Variants in RFC4 observed in about 807,000 individuals in gnomAD.
The protein encoded by RFC4 is replication factor C subunit 4, also known as A1 37 kDa subunit.
A neutral mutation model predicts 47.6 loss-of-function variants in RFC4; 38 were observed. That is an observed-to-expected ratio of 0.80 (90% CI 0.62 to 1.05). The LOEUF (loss-of-function observed/expected upper bound fraction) is 1.05, where lower values mean the gene tolerates loss of function less well. Among genes scored for constraint, RFC4 ranks in the 50% least tolerant of loss-of-function variants. The pLI is 0.00. For synonymous variants in RFC4, 164 were observed against 150.0 expected (o/e 1.09, Z -0.68); for missense variants, 489 against 434.0 (o/e 1.13, Z -1.13).
chr3:186,795,014 A>T (rs1307651704), intron 4 of RFC4, among the ~76,000 whole-genome samples: 2 of 152,102 alleles, frequency 1.3e-5, no homozygotes, highest in African/African-American at 4.8e-5. Flanking sequence ...TTTTCTTTTT[A>T]TTTTTTTGGA....
At chr3:186,802,122 G>A (rs1722371269) in intron 2 of RFC4, among the ~76,000 whole-genome samples, 1 of 151,948 alleles carries the variant, frequency 6.6e-6, no homozygotes, top group African/African-American at 2.4e-5. Context: ...CAGCACTTTG[G>A]GAGGCAGATC....
At position 186,790,078 on chromosome 3, in the gene RFC4, T is replaced by G. The variant is rs752640121; in HGVS notation, c.997-14A>C. On this transcript the variant is annotated splice_polypyrimidine_tract_variant and intron_variant, in intron 10 of 10. Coordinates refer to ENST00000296273, the MANE Select transcript of RFC4 (RefSeq NM_002916.5). Reference sequence around the variant, plus strand: ...TTTGTCAACTTCCTACGAGAAAAATTTAAGAAATTAGCATCCTTCAGGTAG... The same window carrying G: ...TTTGTCAACTTCCTACGAGAAAAATGTAAGAAATTAGCATCCTTCAGGTAG... The G allele has an allele frequency of 1.2e-6, 2 of 1,611,318 alleles. No homozygotes were observed. Among genetic ancestry groups the G allele is most frequent in the African/African-American group, 1.3e-5 (1 of 74,998 alleles).
At chr3:186,801,433 T>C (rs971675861) in intron 2 of RFC4, 6 of 502,424 alleles carry the variant, frequency 1.2e-5, no homozygotes, top group Admixed American at 7.3e-5. Context: ...GAATCTGTTA[T>C]ACCCACAAAA....
intron 3 of RFC4, among the ~76,000 whole-genome samples, chr3:186,799,168 G>T (rs913918902): frequency 1.3e-5 from 2 of 151,996 alleles, no homozygotes; most frequent in African/African-American, 4.8e-5. Context: ...CTTTGAAACA[G>T]GGTAAAATTA....
intron 5 of RFC4, 23 bp from the exon 6 acceptor site, chr3:186,792,970 A>T: frequency 6.2e-7 from 1 of 1,602,698 alleles, no homozygotes; most frequent in Non-Finnish European, 8.5e-7. Flanking sequence ...AACACATAAG[A>T]GTTGAACATT....
chr3:186,791,645 C>G (rs1401682626), intron 8 of RFC4, 80 bp downstream of exon 8: 1 of 1,227,406 alleles, frequency 8.1e-7, no homozygotes, highest in African/African-American at 1.5e-5. Context: ...GCTAAACACC[C>G]AGTATTTGTT....
intron 7 of RFC4, 39 bp downstream of exon 7, chr3:186,792,451 G>A (rs753963181): frequency 1.9e-6 from 3 of 1,571,784 alleles, no homozygotes; most frequent in Non-Finnish European, 2.6e-6. Context: ...TTCATCAAAG[G>A]AATTAGTAAC....
At chr3:186,802,170 T>C (rs1273419295) in intron 2 of RFC4, among the ~76,000 whole-genome samples, 3 of 151,906 alleles carry the variant, frequency 2.0e-5, no homozygotes, top group Non-Finnish European at 4.4e-5. Flanking sequence ...CTGGTCAACA[T>C]GGTGAAACCC....
rs141078686 is a variant in RFC4 at position 186,790,251 on chromosome 3, A to C, written c.887T>G (p.Leu296Ter). 5.0e-6 allele frequency: 8 copies of C among 1,612,902 alleles called. No individual in the cohort carries two copies. The highest frequency in any genetic ancestry group is 6.8e-6 in the Non-Finnish European group (8 of 1,179,070). ...FDKLEAVVKDLIDEGHAATQL... is the reference protein window; with the variant it reads ...FDKLEAVVKD Reference sequence around the variant, plus strand: ...AGTTGCTGCATGACCCTCATCTATTAAATCCTATAATAAAAAAAACTTTTG... The same window carrying C: ...AGTTGCTGCATGACCCTCATCTATTCAATCCTATAATAAAAAAAACTTTTG... Residue 296 changes from leucine to a stop codon, truncating the protein, a stop_gained, in exon 10 of 11, where the codon TTA becomes TGA. Coordinates refer to ENST00000296273, the MANE Select transcript of RFC4 (RefSeq NM_002916.5). LOFTEE classifies it high-confidence loss of function.
At chr3:186,791,460 A>T (rs1722131530) in intron 8 of RFC4, 2 of 403,468 alleles carry the variant, frequency 5.0e-6, no homozygotes. Context: ...ACACAGCAAG[A>T]CTCTGTCTCA....
rs1353762866 is a variant in RFC4 at position 186,793,350 on chromosome 3, T to C, written c.411-403A>G. ...CATGTGTTTGCGTCATTCCTTTGTA[T>C]TGTCAAATACTATGGCAAATAGATA... is the stretch of plus-strand genomic sequence containing the variant. On this transcript the variant is annotated intron_variant, in intron 5 of 10. Transcript: ENST00000296273. This position sits in a 1 kb window ranked among gnomAD's most constrained non-coding sequence, Gnocchi z 4.2. Among the ~76,000 whole-genome samples the C allele has an allele frequency of 6.6e-6, 1 of 152,262 alleles. No homozygotes were observed. Among genetic ancestry groups the C allele is most frequent in the African/African-American group, 2.4e-5 (1 of 41,468 alleles).
At chr3:186,802,684 G>C (rs1213313260) in intron 2 of RFC4, among the ~76,000 whole-genome samples, 1 of 151,968 alleles carries the variant, frequency 6.6e-6, no homozygotes, top group African/African-American at 2.4e-5. Flanking sequence ...AAAGTTCTTT[G>C]ATCCATACTT....
chr3:186,795,684 T>G (rs548222406), intron 4 of RFC4, among the ~76,000 whole-genome samples: 1 of 152,178 alleles, frequency 6.6e-6, no homozygotes, highest in Admixed American at 6.5e-5. Context: ...TGCCAGCTAC[T>G]CAGGAGGCTG....
intron 2 of RFC4, among the ~76,000 whole-genome samples, chr3:186,803,469 CA>C (rs1471445024): frequency 1.8e-4 from 28 of 152,252 alleles, no homozygotes; most frequent in African/African-American, 6.5e-4. Flanking sequence ...CCAATAGTTA[CA>C]ATTACTTGTG....
chr3:186,801,129 T>C lies in RFC4; in HGVS notation c.198A>G (p.Leu66=), dbSNP rs1219433671. 3.1e-6 allele frequency: 5 copies of C among 1,613,792 alleles called. No homozygotes were observed. In the South Asian group the frequency reaches 3.3e-5, roughly 11 times the overall value. Residue 66 remains leucine, a synonymous_variant, in exon 3 of 11, where the codon TTA becomes TTG. Coordinates refer to ENST00000296273, the MANE Select transcript of RFC4 (RefSeq NM_002916.5). ...EEVVAVLKKS[L]EGADLPNLLF... is the part of the protein sequence containing the mutation. ...ATTTGCAACTCACATCTGCTCCTTC[T>C]AAAGATTTTTTCAGCACTGCAACCA...
At chr3:186,802,890 C>T (rs1304340084) in intron 2 of RFC4, among the ~76,000 whole-genome samples, 1 of 152,122 alleles carries the variant, frequency 6.6e-6, no homozygotes, top group Non-Finnish European at 1.5e-5. Flanking sequence ...GAACACACGA[C>T]CTTTCCAAAA....
At chr3:186,791,070 A>C (rs1439872654) in intron 8 of RFC4, among the ~76,000 whole-genome samples, 8 of 149,344 alleles carry the variant, frequency 5.4e-5, no homozygotes, top group Non-Finnish European at 8.8e-5. Context: ...ATTCTCTTTA[A>C]TAAATGATTA....
intron 8 of RFC4, among the ~76,000 whole-genome samples, chr3:186,790,628 G>T (rs1213221004): frequency 6.6e-6 from 1 of 152,196 alleles, no homozygotes; most frequent in Admixed American, 6.5e-5. Context: ...ATGGCTTTGT[G>T]AACTTCCAAG....
At chr3:186,805,113 C>G (rs1321090043) in intron 1 of RFC4, among the ~76,000 whole-genome samples, 1 of 152,228 alleles carries the variant, frequency 6.6e-6, no homozygotes, top group Admixed American at 6.5e-5. Flanking sequence ...ATGGGCCTAG[C>G]TCTAGCTCAG....
Sources: allele counts gnomAD v4.1 joint callset (sites outside exome capture counted in the v4.1 genomes callset), GRCh38; gene constraint gnomAD v4.1.1; non-coding constraint Gnocchi (gnomAD v3.1); transcripts MANE v1.5; gene names NCBI Gene and HGNC (gene_info 2026-07-23, HGNC 2026-07-21).